FAM13A: variants seen among roughly 807,000 people sequenced by gnomAD.
FAM13A encodes the protein protein FAM13A.
FAM13A carries 76 observed loss-of-function variants against 129.6 expected under a neutral mutation model. The ratio of observed to expected loss-of-function variants is 0.59; its 90% confidence interval spans 0.49 to 0.71. The LOEUF (loss-of-function observed/expected upper bound fraction) is 0.71, where lower values mean the gene tolerates loss of function less well. FAM13A is among the 30% of genes least tolerant of loss of function. The pLI is 0.00. For synonymous variants in FAM13A, 443 were observed against 449.9 expected (o/e 0.98, Z 0.20); for missense variants, 1,108 against 1,249.3 (o/e 0.89, Z 1.70).
chr4:89,052,105 G>A (rs1435967984), intron 1 of FAM13A, among the ~76,000 whole-genome samples: 1 of 152,008 alleles, frequency 6.6e-6, no homozygotes, highest in Non-Finnish European at 1.5e-5. Context: ...AGCTCTATGT[G>A]GTCACTAAAG....
intron 5 of FAM13A, among the ~76,000 whole-genome samples, chr4:88,914,504 C>T (rs185883036): frequency 6.6e-6 from 1 of 152,168 alleles, no homozygotes; most frequent in Non-Finnish European, 1.5e-5. Context: ...CCAGCATTTG[C>T]CCTTCTTATT....
chr4:88,823,809 G>T (rs1238824997), intron 7 of FAM13A, among the ~76,000 whole-genome samples: 4 of 152,188 alleles, frequency 2.6e-5, no homozygotes, highest in Middle Eastern at 3.2e-3. Flanking sequence ...ATCACCCAGC[G>T]CACGTAGCTC....
chr4:88,924,454 A>G (rs1341188775), intron 5 of FAM13A, among the ~76,000 whole-genome samples: 2 of 152,342 alleles, frequency 1.3e-5, no homozygotes, highest in East Asian at 3.9e-4. Context: ...GAAATGGGGA[A>G]AGGGTTCCCT....
intron 2 of FAM13A, among the ~76,000 whole-genome samples, chr4:89,024,861 C>G (rs1293507064): frequency 8.5e-6 from 1 of 118,242 alleles, no homozygotes; most frequent in Non-Finnish European, 1.8e-5. Context: ...CTTGCCCAGT[C>G]AAGATTCTGA....
intron 7 of FAM13A, among the ~76,000 whole-genome samples, chr4:88,847,390 TA>T (rs1736817548): frequency 6.6e-6 from 1 of 152,036 alleles, no homozygotes; most frequent in South Asian, 2.1e-4. Flanking sequence ...AAGCCTGTCT[TA>T]AAAAACAAAC....
chr4:88,915,240 A>T (rs1369464883), intron 5 of FAM13A, among the ~76,000 whole-genome samples: 1 of 152,234 alleles, frequency 6.6e-6, no homozygotes, highest in Non-Finnish European at 1.5e-5. Flanking sequence ...ATATCTCAAA[A>T]TGAATCTCAA....
intron 10 of FAM13A, among the ~76,000 whole-genome samples, chr4:88,782,017 A>T (rs1345622705): frequency 1.3e-5 from 2 of 151,794 alleles, no homozygotes; most frequent in Non-Finnish European, 1.5e-5. Context: ...AAATTAAAAA[A>T]TTAAAAAAAA....
chr4:88,930,867 C>G (rs1248073702), intron 5 of FAM13A, among the ~76,000 whole-genome samples: 1 of 152,084 alleles, frequency 6.6e-6, no homozygotes, highest in African/African-American at 2.4e-5. Context: ...GTCCCACAGC[C>G]GCTTATAGCA....
At chr4:89,014,500 T>C (rs907916135) in intron 3 of FAM13A, among the ~76,000 whole-genome samples, 1 of 152,170 alleles carries the variant, frequency 6.6e-6, no homozygotes, top group African/African-American at 2.4e-5. Context: ...CCATCAGAAC[T>C]TAACTATTGT....
At chr4:88,867,077 T>C (rs1740588851) in intron 6 of FAM13A, among the ~76,000 whole-genome samples, 2 of 152,210 alleles carry the variant, frequency 1.3e-5, no homozygotes, top group Non-Finnish European at 2.9e-5. Flanking sequence ...TACCGAATCA[T>C]TGCCCCTAGA....
At chr4:88,826,363 T>C (rs1193937396) in intron 7 of FAM13A, among the ~76,000 whole-genome samples, 1 of 151,956 alleles carries the variant, frequency 6.6e-6, no homozygotes, top group African/African-American at 2.4e-5. Context: ...ATTTAGTTAT[T>C]TCTAAAATGG....
intron 5 of FAM13A, among the ~76,000 whole-genome samples, chr4:88,912,015 T>A (rs1749159388): frequency 6.6e-6 from 1 of 152,230 alleles, no homozygotes; most frequent in South Asian, 2.1e-4. Context: ...ACTCTTGTTC[T>A]TAGTAACATT....
chr4:88,988,329 G>C (rs1762525043), intron 4 of FAM13A, among the ~76,000 whole-genome samples: 1 of 152,146 alleles, frequency 6.6e-6, no homozygotes, highest in Admixed American at 6.5e-5. Context: ...ATCGTCTTCT[G>C]AGAAAAATAA....
At chr4:88,928,164 T>A (rs2125410) in intron 5 of FAM13A, among the ~76,000 whole-genome samples, 28,067 of 152,122 alleles carry the variant, frequency 0.18, 2,749 homozygotes, top group Non-Finnish European at 0.21. Context: ...TTGGTATTAA[T>A]TTCTAGTTTT....
At chr4:88,792,529 G>C (rs750900005) in intron 8 of FAM13A, among the ~76,000 whole-genome samples, 9 of 152,014 alleles carry the variant, frequency 5.9e-5, no homozygotes, top group Non-Finnish European at 1.0e-4. Context: ...TCTTTAACTG[G>C]AACAAGCAGT....
At chr4:89,025,454 C>A (rs953593119) in intron 2 of FAM13A, among the ~76,000 whole-genome samples, 1 of 150,482 alleles carries the variant, frequency 6.6e-6, no homozygotes, top group Non-Finnish European at 1.5e-5. Context: ...TTAGTAGAGA[C>A]GGGGTTTCAC....
rs772079973 is a variant in FAM13A, at chr4:88,994,608, G to A, written c.428-3458C>T. ...TAATTCCAGCACTTTAGGAGGCCAAGGTGGGCGGACTGCTTCAGCCCAGGA... is the reference window on the plus strand; with the variant it reads ...TAATTCCAGCACTTTAGGAGGCCAAAGTGGGCGGACTGCTTCAGCCCAGGA... On this transcript the variant is annotated intron_variant, in intron 3 of 23. Coordinates refer to ENST00000264344, the MANE Select transcript of FAM13A (RefSeq NM_014883.4). Among the ~76,000 whole-genome samples, 15 of 152,240 alleles carry A rather than the reference G, an allele frequency of 9.9e-5. No individual in the cohort carries two copies. In the South Asian group the frequency reaches 1.0e-3, roughly 11 times the overall value.
rs141708444 is a variant in FAM13A at position 88,787,914 on chromosome 4, G to A, written c.1110C>T (p.Ile370=). The change falls in exon 10 of 24, where the codon ATC becomes ATT. Residue 370 remains isoleucine, a synonymous_variant. Transcript: ENST00000264344. ...SATGELLERT[I]RSAVEQHLFD... ...AAAGATGTTGTTCTACAGCTGATCGGATGGTTCTTTCTAAGAGTCTGGCAA... is the reference window on the plus strand; with the variant it reads ...AAAGATGTTGTTCTACAGCTGATCGAATGGTTCTTTCTAAGAGTCTGGCAA... 2.8e-5 allele frequency: 45 copies of A among 1,612,920 alleles called. No homozygotes were observed. The African/African-American group carries it at 5.7e-4, about 21-fold the overall frequency.
chr4:88,764,523 T>C (rs144998392), intron 13 of FAM13A, among the ~76,000 whole-genome samples: 2 of 152,306 alleles, frequency 1.3e-5, no homozygotes, highest in East Asian at 3.9e-4. Context: ...TAAACTCCCT[T>C]GGAAACAGAA....
Sources: allele counts gnomAD v4.1 joint callset (sites outside exome capture counted in the v4.1 genomes callset), GRCh38; gene constraint gnomAD v4.1.1; transcripts MANE v1.5; gene names NCBI Gene and HGNC (gene_info 2026-07-23, HGNC 2026-07-21).